RPS6KA5: variants seen among roughly 807,000 people sequenced by gnomAD.
RPS6KA5 encodes the protein ribosomal protein S6 kinase A5, also known as ribosomal protein S6 kinase alpha-5.
A neutral mutation model predicts 85.5 loss-of-function variants in RPS6KA5; 27 were observed. That is an observed-to-expected ratio of 0.32 (90% CI 0.23 to 0.44). RPS6KA5 has a LOEUF of 0.44. RPS6KA5 is among the 20% of genes least tolerant of loss of function. The pLI is 1.00. For synonymous variants in RPS6KA5, 334 were observed against 348.2 expected (o/e 0.96, Z 0.46); for missense variants, 811 against 980.9 (o/e 0.83, Z 2.31).
At chr14:91,009,409 A>G (rs2041164752) in intron 1 of RPS6KA5, among the ~76,000 whole-genome samples, 1 of 152,146 alleles carries the variant, frequency 6.6e-6, no homozygotes, top group Admixed American at 6.5e-5. Flanking sequence ...ACCTAATCCA[A>G]GGTTGCTGGG....
At chr14:91,020,190 G>GGTGT (rs56899247) in intron 1 of RPS6KA5, among the ~76,000 whole-genome samples, 17 of 149,762 alleles carry the variant, frequency 1.1e-4, no homozygotes, top group African/African-American at 2.7e-4. Flanking sequence ...TGTTTATGTG[G>GGTGT]GTGTGTGTGT....
chr14:90,939,920 T>C (rs1313944498), intron 5 of RPS6KA5, among the ~76,000 whole-genome samples: 3 of 152,268 alleles, frequency 2.0e-5, no homozygotes, highest in East Asian at 3.9e-4. Context: ...GGGGCTGACA[T>C]GGAAACCAAA....
intron 1 of RPS6KA5, among the ~76,000 whole-genome samples, chr14:91,033,670 TAA>T (rs2042284225): frequency 6.6e-6 from 1 of 152,190 alleles, no homozygotes; most frequent in Non-Finnish European, 1.5e-5. Flanking sequence ...ACAGTACTGT[TAA>T]GAGTATAAAT....
At position 90,856,061 on chromosome 14, in the gene RPS6KA5, T is replaced by C. The variant is rs17224278; in HGVS notation, c.*16013A>G. 3,587 of 152,322 alleles carry C rather than the reference T, an allele frequency of 0.024. 58 individuals carry two copies. Among genetic ancestry groups the C allele is most frequent in the Middle Eastern group, 0.044 (13 of 296 alleles). 9.4% of individuals were successfully genotyped at this position (152,322 alleles called of 1,614,324 possible). A position where few individuals can be genotyped will look rare whatever the true frequency, so the allele number is the denominator to read the frequency against. On this transcript the variant is annotated 3_prime_UTR_variant, in exon 17 of 17. Transcript: ENST00000614987. ...ACAAGTAATGATAAGCTGGATATGA[T>C]CACCATGGAAACATACAGCACTTTG... is the stretch of plus-strand genomic sequence containing the variant.
At chr14:91,002,156 C>T (rs2040820452) in intron 1 of RPS6KA5, among the ~76,000 whole-genome samples, 1 of 152,122 alleles carries the variant, frequency 6.6e-6, no homozygotes, top group Admixed American at 6.5e-5. Context: ...AATTACTTGT[C>T]TGTGTCTCAG....
At chr14:91,040,879 G>A (rs1361531649) in intron 1 of RPS6KA5, among the ~76,000 whole-genome samples, 2 of 152,172 alleles carry the variant, frequency 1.3e-5, no homozygotes. Context: ...ATTAGGAACA[G>A]GGAGACATTA....
intron 14 of RPS6KA5, among the ~76,000 whole-genome samples, chr14:90,878,709 A>G (rs190129227): frequency 6.8e-4 from 103 of 152,328 alleles, no homozygotes; most frequent in African/African-American, 2.3e-3. Context: ...ATCCTCCTCT[A>G]AAAGACAACC....
chr14:91,028,902 G>T (rs529744783), intron 1 of RPS6KA5, among the ~76,000 whole-genome samples: 1 of 152,256 alleles, frequency 6.6e-6, no homozygotes, highest in African/African-American at 2.4e-5. Context: ...TATAGGCCTA[G>T]ATATCATTAA....
chr14:90,881,887 T>A (rs948895700), intron 14 of RPS6KA5, among the ~76,000 whole-genome samples: 1 of 152,250 alleles, frequency 6.6e-6, no homozygotes, highest in Non-Finnish European at 1.5e-5. Flanking sequence ...TTTAAAGTGA[T>A]TCTTTTGCAG....
At chr14:90,970,128 T>C (rs1232622680) in intron 3 of RPS6KA5, among the ~76,000 whole-genome samples, 2 of 152,216 alleles carry the variant, frequency 1.3e-5, no homozygotes, top group Non-Finnish European at 1.5e-5. Context: ...CAGTTTATTT[T>C]TGTTTGGTTT....
At chr14:90,911,898 T>C (rs968184793) in intron 7 of RPS6KA5, among the ~76,000 whole-genome samples, 2 of 152,210 alleles carry the variant, frequency 1.3e-5, no homozygotes, top group Non-Finnish European at 2.9e-5. Flanking sequence ...TAAAATGAGT[T>C]TCGCTTACAA....
intron 8 of RPS6KA5, among the ~76,000 whole-genome samples, chr14:90,905,531 G>C (rs1215543594): frequency 6.6e-6 from 1 of 152,030 alleles, no homozygotes; most frequent in Admixed American, 6.6e-5. Context: ...TTAATATTTT[G>C]GTGTTTTTTT....
intron 3 of RPS6KA5, among the ~76,000 whole-genome samples, chr14:90,958,054 C>T (rs2038615385): frequency 6.6e-6 from 1 of 152,046 alleles, no homozygotes; most frequent in African/African-American, 2.4e-5. Context: ...CCAGGAGGAT[C>T]GCTTGAGCCC....
At chr14:91,010,721 CAT>C (rs2041221490) in intron 1 of RPS6KA5, among the ~76,000 whole-genome samples, 1 of 152,026 alleles carries the variant, frequency 6.6e-6, no homozygotes, top group Non-Finnish European at 1.5e-5. Context: ...GGGAAAGAAT[CAT>C]ATGAAACTTT....
rs560509364 is a variant in RPS6KA5, at chr14:90,956,182, G to A, written c.395-8632C>T. ...GAACATCTGAAGTTTTTTTTTATCC[G>A]TAGGGTGTCCTGGAACCAATTCCCT... is the stretch of plus-strand genomic sequence containing the variant. On this transcript the variant is annotated intron_variant, in intron 3 of 16. Transcript: ENST00000614987. Among the ~76,000 whole-genome samples the A allele has an allele frequency of 9.9e-5, 15 of 151,856 alleles. 1 individual carries two copies. In the South Asian group the frequency reaches 1.7e-3, roughly 17 times the overall value.
At position 90,978,464 on chromosome 14, in the gene RPS6KA5, G is replaced by A; in HGVS notation, c.236C>T (p.Ala79Val). 1.2e-6 allele frequency: 2 copies of A among 1,613,320 alleles called. No homozygotes were observed. Among genetic ancestry groups the A allele is most frequent in the Non-Finnish European group, 1.7e-6 (2 of 1,179,616 alleles). ...ISGHDTGKLYAMKVLKKATIV... is the reference protein window; with the variant it reads ...ISGHDTGKLYVMKVLKKATIV... ...TGTTGCCTTTTTCAAAACTTTCATG[G>A]CATACAGCTTTCCAGTATCATGGCC... Residue 79 changes from alanine to valine, a missense_variant, in exon 3 of 17, where the codon GCC becomes GTC. By Grantham distance (64) the Ala-to-Val change is moderately conservative (BLOSUM62 0). Transcript: ENST00000614987.
At chr14:90,956,312 A>T (rs1462303074) in intron 3 of RPS6KA5, among the ~76,000 whole-genome samples, 1 of 152,150 alleles carries the variant, frequency 6.6e-6, no homozygotes, top group Non-Finnish European at 1.5e-5. Flanking sequence ...GCATTTAAAA[A>T]TATCTGTTTT....
At chr14:90,982,694 G>T (rs1390057960) in intron 2 of RPS6KA5, among the ~76,000 whole-genome samples, 1 of 152,162 alleles carries the variant, frequency 6.6e-6, no homozygotes, top group Admixed American at 6.5e-5. Flanking sequence ...ATATAAGCAA[G>T]GGGGCCGGGC....
chr14:90,996,901 C>T (rs2040548008), intron 2 of RPS6KA5, among the ~76,000 whole-genome samples: 2 of 151,960 alleles, frequency 1.3e-5, no homozygotes, highest in African/African-American at 2.4e-5. Context: ...ATAAGTTAAC[C>T]CACTAAGAAA....
Sources: gnomAD v4.1 joint callset for allele counts (sites outside exome capture counted in the v4.1 genomes callset) on GRCh38, gnomAD v4.1.1 for gene constraint, MANE v1.5 for transcripts, NCBI Gene and HGNC (gene_info 2026-07-23, HGNC 2026-07-21) for gene names.